The following LPA variants were observed in gnomAD, a reference collection of about 807,000 sequenced individuals.
LPA encodes the protein lipoprotein(a).
Under a neutral mutation model 197.9 loss-of-function variants are expected in LPA, and 199 were observed. The ratio of observed to expected loss-of-function variants is 1.01; its 90% CI spans 0.90 to 1.13. The LOEUF is 1.13. Ranked by LOEUF, LPA falls within the 50% of genes most tolerant of loss-of-function variation. The probability of loss-of-function intolerance (pLI) is 0.00; values close to 1 mark genes in which losing one functional copy is unlikely to be tolerated. For missense variants in LPA, 1,853 were observed against 1,785.8 expected (o/e 1.04, Z -0.68); for synonymous variants, 715 against 639.5 (o/e 1.12, Z -1.78).
At chr6:160,649,591 C>T (rs945597068) in intron 2 of LPA, among the ~76,000 whole-genome samples, 1 of 152,156 alleles carries the variant, frequency 6.6e-6, no homozygotes, top group South Asian at 2.1e-4. Context: ...GGAAGAAAAC[C>T]AGTGCATCTG....
chr6:160,576,397 T>TATATAC (rs1778675807), intron 28 of LPA, among the ~76,000 whole-genome samples: 3 of 49,426 alleles, frequency 6.1e-5, no homozygotes, highest in South Asian at 7.4e-4. Context: ...TATGTATATA[T>TATATAC]ATATATATAT....
intron 28 of LPA, among the ~76,000 whole-genome samples, chr6:160,560,851 C>A (rs558140559): frequency 2.9e-4 from 44 of 152,058 alleles, no homozygotes; most frequent in African/African-American, 9.6e-4. Flanking sequence ...ATGAAGTCTT[C>A]TCCCATGCCT....
intron 20 of LPA, 121 bp from the exon 21 acceptor site, chr6:160,595,656 G>T (rs1779118684): frequency 1.4e-6 from 2 of 1,426,252 alleles, no homozygotes; most frequent in Non-Finnish European, 1.9e-6. Context: ...TTCACTAAAG[G>T]TCCCATAATA....
chr6:160,594,036 A>C lies in LPA; in HGVS notation c.3551T>G (p.Val1184Gly). Residue 1184 changes from valine (V) to glycine (G), a missense_variant, in exon 22 of 39, where the codon GTC (valine) becomes GGC (glycine). This residue lies in a region of LPA where 1,737 missense variants were observed against 1,504.4 expected (regional missense o/e 1.15). Transcript: ENST00000316300. ...QSYRGSFSTTVTGRTCQSWSS... is the reference protein window; with the variant it reads ...QSYRGSFSTTGTGRTCQSWSS... ...CCAAGACTGACATGTCCTTCCTGTGACAGTGGTAGAGAATGAGCCTCGATA... is the reference window on the plus strand; with the variant it reads ...CCAAGACTGACATGTCCTTCCTGTGCCAGTGGTAGAGAATGAGCCTCGATA... 1 of 1,613,990 alleles carries C rather than the reference A, an allele frequency of 6.2e-7. No individual in the cohort carries two copies. Among genetic ancestry groups the C allele is most frequent in the Non-Finnish European group, 8.5e-7 (1 of 1,179,880 alleles).
rs1344009154 is a variant in LPA, at chr6:160,577,178, A to G, written c.4589T>C (p.Ile1530Thr). ...GRTCQSWSSM[I>T]PHWHQRTPEN... is the part of the protein sequence containing the mutation. The stretch of plus-strand genomic sequence containing the variant: ...TGGGGTCCTCTGATGCCAGTGTGGT[A>G]TCATAGATGACCAAGATTGACAGGT... The change falls in exon 28 of 39, where the codon ATA (isoleucine) becomes ACA (threonine). Residue 1530 changes from isoleucine to threonine, a missense_variant. This residue lies in a region of LPA where 1,737 missense variants were observed against 1,504.4 expected (regional missense o/e 1.15). Transcript: ENST00000316300. 6.2e-7 allele frequency: 1 copy of G among 1,613,940 alleles called. No individual in the cohort carries two copies. Among genetic ancestry groups the G allele is most frequent in the Non-Finnish European group, 8.5e-7 (1 of 1,179,854 alleles).
At chr6:160,598,221 T>C (rs562679719) in intron 20 of LPA, among the ~76,000 whole-genome samples, 2 of 152,334 alleles carry the variant, frequency 1.3e-5, no homozygotes, top group South Asian at 4.1e-4. Context: ...TTTTTTGCCA[T>C]ATTTTCTTGT....
At chr6:160,587,918 C>A (rs1778945626) in intron 24 of LPA, among the ~76,000 whole-genome samples, 1 of 152,070 alleles carries the variant, frequency 6.6e-6, no homozygotes, top group African/African-American at 2.4e-5. Flanking sequence ...CCAGTGAGTT[C>A]TTCATTAGAG....
chr6:160,646,296 C>T lies in LPA; in HGVS notation c.309G>A (p.Thr103=), dbSNP rs1416975661. 3 of 47,728 alleles carry T rather than the reference C, an allele frequency of 6.3e-5. No individual in the cohort carries two copies. The highest frequency in any genetic ancestry group is 4.2e-4 in the South Asian group (3 of 7,160). 3.0% of individuals were successfully genotyped at this position (47,728 alleles called of 1,614,324 possible). ...PGVRWEYCNL[T]QCSDAEGTAV... is the part of the protein sequence containing the mutation. ...CAGTCCCTTCTGCGTCTGAGCATTG[C>T]GTCAGGTTGCAGTACTCCCACCTGA... The change falls in exon 3 of 39, where the codon ACG becomes ACA. Residue 103 remains threonine (T), a synonymous_variant. Coordinates refer to ENST00000316300, the MANE Select transcript of LPA (RefSeq NM_005577.4).
chr6:160,601,867 G>C (rs1442616422), intron 18 of LPA, among the ~76,000 whole-genome samples: 2 of 152,192 alleles, frequency 1.3e-5, no homozygotes, highest in Non-Finnish European at 2.9e-5. Context: ...CTGAGGGAAT[G>C]GGGGATGAGT....
chr6:160,586,678 A>T, intron 24 of LPA, 48 bp from the exon 25 acceptor site: 1 of 1,612,144 alleles, frequency 6.2e-7, no homozygotes, highest in Non-Finnish European at 8.5e-7. Flanking sequence ...GAGAAGATAC[A>T]GCACCACCTG....
chr6:160,610,027 G>C (rs748494990), intron 16 of LPA, among the ~76,000 whole-genome samples: 5 of 151,872 alleles, frequency 3.3e-5, no homozygotes, highest in Non-Finnish European at 4.4e-5. Context: ...TACCTGCTTT[G>C]TTGCACTTTT....
At chr6:160,606,908 T>A (rs2115061752) in intron 16 of LPA, among the ~76,000 whole-genome samples, 1 of 152,338 alleles carries the variant, frequency 6.6e-6, no homozygotes, top group African/African-American at 2.4e-5. Context: ...AACACTGAGA[T>A]AATACATACA....
At chr6:160,596,196 T>G (rs956156027) in intron 20 of LPA, among the ~76,000 whole-genome samples, 3 of 152,214 alleles carry the variant, frequency 2.0e-5, no homozygotes, top group East Asian at 1.9e-4. Flanking sequence ...TCTCCTCTGT[T>G]ACTCCAGATG....
At chr6:160,606,860 T>C (rs1002436371) in intron 16 of LPA, among the ~76,000 whole-genome samples, 2 of 152,010 alleles carry the variant, frequency 1.3e-5, no homozygotes, top group Non-Finnish European at 2.9e-5. Context: ...AAGATTATTA[T>C]TATAAAAAAA....
intron 1 of LPA, among the ~76,000 whole-genome samples, chr6:160,654,254 G>A (rs1345780736): frequency 6.8e-6 from 1 of 147,290 alleles, no homozygotes; most frequent in Non-Finnish European, 1.5e-5. Context: ...TTCAAGAGCA[G>A]GAAGCATTTG....
chr6:160,577,666 C>A (rs1778709971), intron 27 of LPA, among the ~76,000 whole-genome samples: 1 of 152,058 alleles, frequency 6.6e-6, no homozygotes. Context: ...CAGTCAGGGG[C>A]CGACACAAGA....
chr6:160,571,491 G>A (rs1369280446), intron 28 of LPA, among the ~76,000 whole-genome samples: 1 of 152,204 alleles, frequency 6.6e-6, no homozygotes, highest in East Asian at 1.9e-4. Flanking sequence ...CCTTCCTCCA[G>A]TTGCTCTGTC....
intron 26 of LPA, among the ~76,000 whole-genome samples, chr6:160,584,803 A>G (rs1310178677): frequency 6.6e-6 from 1 of 152,184 alleles, no homozygotes; most frequent in African/African-American, 2.4e-5. Flanking sequence ...TTAGCTTTAC[A>G]TTAATGAGAC....
chr6:160,651,610 T>C (rs538236097), intron 1 of LPA, among the ~76,000 whole-genome samples: 1 of 152,336 alleles, frequency 6.6e-6, no homozygotes, highest in Admixed American at 6.5e-5. Flanking sequence ...CCTCCATTTA[T>C]GATACCCAGT....
Sources: gnomAD v4.1 joint callset for allele counts (sites outside exome capture counted in the v4.1 genomes callset) on GRCh38, gnomAD v4.1.1 for gene constraint, gnomAD v4.1.1 regional missense constraint, MANE v1.5 for transcripts, NCBI Gene and HGNC (gene_info 2026-07-23, HGNC 2026-07-21) for gene names.